The following FAM111B variants were observed in gnomAD, a reference collection of about 807,000 sequenced individuals.
FAM111B encodes the protein FAM111 trypsin like peptidase B.
Under a neutral mutation model 2.8 loss-of-function variants are expected in FAM111B, and 1 was observed. The observed-to-expected ratio is 0.36, with a 90% CI of 0.13 to 1.70. The LOEUF (loss-of-function observed/expected upper bound fraction) is 1.70, where lower values mean the gene tolerates loss of function less well. Among genes scored for constraint, FAM111B ranks in the 40% most tolerant of loss-of-function variants. FAM111B has a pLI of 0.35. For missense variants in FAM111B, 882 were observed against 878.9 expected, an observed-to-expected ratio of 1.00 and a Z score of -0.04; for synonymous variants, 297 against 295.6, an observed-to-expected ratio of 1.00 and a Z score of -0.05.
rs970857703 is a variant in FAM111B, at chr11:59,124,457, G to A, written c.360G>A (p.Arg120=). 8 of 1,613,442 alleles carry A rather than the reference G, an allele frequency of 5.0e-6. No homozygotes were observed. The highest frequency in any genetic ancestry group is 6.8e-6 in the Non-Finnish European group (8 of 1,179,832). Residue 120 remains arginine (R), a synonymous_variant, in exon 4 of 4, where the codon AGG becomes AGA. Transcript: ENST00000343597. The part of the protein sequence containing the change: ...ALSANDYFSE[R]IKNQFNKNII... ...GTGCTAATGACTATTTCAGTGAAAG[G>A]ATAAAGAATCAGTTTAATAAGAACA...
In FAM111B at chr11:59,126,174, G is replaced by A; in HGVS notation, c.2077G>A (p.Asp693Asn). ...FGYSMDSILC[D>N]IKKTNESLYK... ...TTATTCTATGGATTCTATTCTTTGT[G>A]ATATTAAAAAGACAAATGAGAGCTT... Residue 693 changes from aspartate (D) to asparagine (N), a missense_variant, in exon 4 of 4, where the codon GAT becomes AAT. Physicochemically the swap from Asp to Asn is conservative, Grantham distance 23. Coordinates refer to ENST00000343597, the MANE Select transcript of FAM111B (RefSeq NM_198947.4). 6.2e-7 allele frequency: 1 copy of A among 1,611,294 alleles called. No homozygotes were observed. The highest frequency in any genetic ancestry group is 8.5e-7 in the Non-Finnish European group (1 of 1,179,122).
chr11:59,122,829 A>G lies in FAM111B; in HGVS notation c.82-1350A>G, dbSNP rs139960826. 1.1e-4 allele frequency among the ~76,000 whole-genome samples: 17 copies of G among 152,270 alleles called. No homozygotes were observed. The East Asian group carries it at 1.9e-3, about 17-fold the overall frequency. On this transcript the variant is annotated intron_variant, in intron 3 of 3. Transcript: ENST00000343597. The stretch of plus-strand genomic sequence containing the variant: ...GCCCCAAGACGAAAAGGAAATCACT[A>G]TTCCTAAGACCTAAGCTCATTCCAT...
rs1257195539 is a variant in FAM111B, at chr11:59,124,542, T to C, written c.445T>C (p.Cys149Arg). The C allele has an allele frequency of 6.2e-6, 10 of 1,613,474 alleles. No homozygotes were observed. Among genetic ancestry groups the C allele is most frequent in the Non-Finnish European group, 8.5e-6 (10 of 1,179,702 alleles). The change falls in exon 4 of 4, where the codon TGC becomes CGC. Residue 149 changes from cysteine to arginine, a missense_variant. By Grantham distance (180) the Cys-to-Arg change is radical. Transcript: ENST00000343597. ...TATAAATTTAGGAATGCCTCTCAAG[T>C]GCCTGCCTAGTGATTCTCATTTTAA... is the stretch of plus-strand genomic sequence containing the variant. ...GHINLGMPLK[C>R]LPSDSHFKIT...
chr11:59,116,532 C>T (rs952310550), intron 3 of FAM111B, among the ~76,000 whole-genome samples: 2 of 152,156 alleles, frequency 1.3e-5, no homozygotes, highest in African/African-American at 4.8e-5. Flanking sequence ...CATTTGAGCC[C>T]CTCTTCTGGA....
At chr11:59,116,413 T>C (rs1859841598) in intron 3 of FAM111B, among the ~76,000 whole-genome samples, 1 of 152,238 alleles carries the variant, frequency 6.6e-6, no homozygotes, top group Non-Finnish European at 1.5e-5. Context: ...ATTTTAATTC[T>C]AGACACTCCC....
intron 3 of FAM111B, among the ~76,000 whole-genome samples, chr11:59,121,808 G>A (rs908161752): frequency 1.3e-5 from 2 of 152,172 alleles, no homozygotes; most frequent in African/African-American, 4.8e-5. Flanking sequence ...AATTCTAACT[G>A]TAAAAATGGA....
intron 3 of FAM111B, among the ~76,000 whole-genome samples, chr11:59,113,845 T>C (rs1406049237): frequency 6.6e-6 from 1 of 152,198 alleles, no homozygotes; most frequent in Non-Finnish European, 1.5e-5. Flanking sequence ...TTTTCCAATT[T>C]GACAGAAAAC....
intron 3 of FAM111B, among the ~76,000 whole-genome samples, chr11:59,117,407 G>C (rs1859854587): frequency 6.6e-6 from 1 of 152,196 alleles, no homozygotes; most frequent in African/African-American, 2.4e-5. Flanking sequence ...AGTTTCTGAG[G>C]AGAGTAGGAG....
At position 59,123,716 on chromosome 11, in the gene FAM111B, G is replaced by T. The variant is rs377212251; in HGVS notation, c.82-463G>T. Among the ~76,000 whole-genome samples, 3 of 152,288 alleles carry T rather than the reference G, an allele frequency of 2.0e-5. No individual in the cohort carries two copies. In the East Asian group the frequency reaches 5.8e-4, roughly 29 times the overall value. ...GCACAAAGTAGTGACACATTGCCTA[G>T]TGAAAAATAAAGTCACATGCATCAT... On this transcript the variant is annotated intron_variant, in intron 3 of 3. Transcript: ENST00000343597.
At chr11:59,115,201 C>T (rs1413618250) in intron 3 of FAM111B, among the ~76,000 whole-genome samples, 1 of 152,160 alleles carries the variant, frequency 6.6e-6, no homozygotes, top group Non-Finnish European at 1.5e-5. Flanking sequence ...TGCTATTCTT[C>T]TTTCCCCAAT....
At position 59,124,606 on chromosome 11, in the gene FAM111B, G is replaced by A. The variant is rs771507678; in HGVS notation, c.509G>A (p.Gly170Glu). The A allele has an allele frequency of 8.7e-6, 14 of 1,613,814 alleles. No individual in the cohort carries two copies. The South Asian group carries it at 1.3e-4, about 15-fold the overall frequency. The change falls in exon 4 of 4, where the codon GGA (glycine) becomes GAA (glutamate). Residue 170 changes from glycine to glutamate, a missense_variant. By Grantham distance (98) the Gly-to-Glu change is moderately conservative. Transcript: ENST00000343597. The stretch of plus-strand genomic sequence containing the variant: ...CAAAGAAAGAGTAGCAAAGAAGATG[G>A]ACACATATTACGCCAATGTGAAAAT... ...FGQRKSSKED[G>E]HILRQCENPN...
At chr11:59,113,747 T>C (rs1270033539) in intron 3 of FAM111B, among the ~76,000 whole-genome samples, 1 of 152,172 alleles carries the variant, frequency 6.6e-6, no homozygotes, top group Non-Finnish European at 1.5e-5. Context: ...GATCATAAGT[T>C]ATTGGGACTT....
At chr11:59,118,771 G>A (rs972402177) in intron 3 of FAM111B, among the ~76,000 whole-genome samples, 7 of 124,962 alleles carry the variant, frequency 5.6e-5, no homozygotes, top group African/African-American at 2.2e-4. Context: ...TAGATGTCAG[G>A]CTTACCAAAT....
Position 59,126,163 on chromosome 11 carries a change from C to A in FAM111B, c.2066C>A (p.Ser689Tyr). 6.2e-7 allele frequency: 1 copy of A among 1,611,700 alleles called. No homozygotes were observed. Reference sequence around the variant, plus strand: ...ATTGAATTTGGTTATTCTATGGATTCTATTCTTTGTGATATTAAAAAGACA... The same window carrying A: ...ATTGAATTTGGTTATTCTATGGATTATATTCTTTGTGATATTAAAAAGACA... ...ALIEFGYSMDSILCDIKKTNE... is the reference protein window; with the variant it reads ...ALIEFGYSMDYILCDIKKTNE... The change falls in exon 4 of 4, where the codon TCT becomes TAT. Residue 689 changes from serine (S) to tyrosine (Y), a missense_variant. Coordinates refer to ENST00000343597, the MANE Select transcript of FAM111B (RefSeq NM_198947.4).
intron 1 of FAM111B, among the ~76,000 whole-genome samples, chr11:59,108,158 G>C (rs1363579275): frequency 6.6e-6 from 1 of 152,178 alleles, no homozygotes; most frequent in African/African-American, 2.4e-5. Flanking sequence ...TTTTTAAAAA[G>C]CTTAGAGGAA....
rs963698138 is a variant in FAM111B, at chr11:59,124,387, T to A, written c.290T>A (p.Phe97Tyr). 3.1e-6 allele frequency: 5 copies of A among 1,613,788 alleles called. No individual in the cohort carries two copies. The highest frequency in any genetic ancestry group is 4.2e-6 in the Non-Finnish European group (5 of 1,179,842). ...GNSRKLDRSV[F>Y]TAYGKPSESI... Reference sequence around the variant, plus strand: ...TCCAGAAAATTAGACCGTAGTGTGTTTACAGCATATGGTAAACCCAGCGAG... The same window carrying A: ...TCCAGAAAATTAGACCGTAGTGTGTATACAGCATATGGTAAACCCAGCGAG... Residue 97 changes from phenylalanine (F) to tyrosine (Y), a missense_variant, in exon 4 of 4, where the codon TTT becomes TAT. Phe to Tyr is a conservative substitution (Grantham distance 22). Coordinates refer to ENST00000343597, the MANE Select transcript of FAM111B (RefSeq NM_198947.4).
chr11:59,125,911 AT>A lies in FAM111B; in HGVS notation c.1816del (p.Cys606ValfsTer6). The part of the protein sequence containing the change: ...LNERLKKYPN[D>X]CQDGLVDLYD... The stretch of plus-strand genomic sequence containing the variant: ...GAACGATTGAAAAAATATCCAAACG[AT>A]TGTCAAGATGGGTTGGTAGATCTCT... On this transcript the variant is annotated frameshift_variant, in exon 4 of 4. Coordinates refer to ENST00000343597, the MANE Select transcript of FAM111B (RefSeq NM_198947.4). LOFTEE classifies it low-confidence loss of function (END_TRUNC). 1 of 1,613,864 alleles carries A rather than the reference AT, an allele frequency of 6.2e-7. No individual in the cohort carries two copies. Among genetic ancestry groups the A allele is most frequent in the Non-Finnish European group, 8.5e-7 (1 of 1,179,840 alleles).
chr11:59,115,877 G>T (rs1041935407), intron 3 of FAM111B, among the ~76,000 whole-genome samples: 15 of 152,184 alleles, frequency 9.9e-5, no homozygotes, highest in Non-Finnish European at 1.8e-4. Flanking sequence ...TTTCTTTAAG[G>T]TCTTACAGCC....
chr11:59,115,853 G>GCTC (rs1376302110), intron 3 of FAM111B, among the ~76,000 whole-genome samples: 2 of 152,152 alleles, frequency 1.3e-5, no homozygotes, highest in African/African-American at 4.8e-5. Flanking sequence ...ATGGTAGAAT[G>GCTC]CTTCTTATCT....
Sources: gnomAD v4.1 joint callset for allele counts (sites outside exome capture counted in the v4.1 genomes callset) on GRCh38, gnomAD v4.1.1 for gene constraint, MANE v1.5 for transcripts, NCBI Gene and HGNC (gene_info 2026-07-23, HGNC 2026-07-21) for gene names.